The following CDIN1 variants were observed in gnomAD, a reference collection of about 807,000 sequenced individuals.
CDIN1 encodes CDAN1-interacting nuclease 1.
A neutral mutation model predicts 45.3 loss-of-function variants in CDIN1; 33 were observed. The observed-to-expected ratio is 0.73, with a 90% CI of 0.55 to 0.97. CDIN1 has a LOEUF of 0.97. CDIN1 is among the 50% of genes least tolerant of loss of function. CDIN1 has a pLI of 0.00. For synonymous variants in CDIN1, 118 were observed against 124.4 expected (o/e 0.95, Z 0.34); for missense variants, 303 against 339.4 (o/e 0.89, Z 0.84).
chr15:36,747,870 G>C (rs1384245478), intron 10 of CDIN1, among the ~76,000 whole-genome samples: 1 of 151,952 alleles, frequency 6.6e-6, no homozygotes, highest in Non-Finnish European at 1.5e-5. Context: ...AAGACCTGAG[G>C]ATTTTTCACT....
chr15:36,709,424 A>C, intron 9 of CDIN1, 136 bp downstream of exon 9: 1 of 539,504 alleles, frequency 1.9e-6, no homozygotes, highest in Non-Finnish European at 3.1e-6. Flanking sequence ...AACAGCAGAA[A>C]ATAATAGGTT....
At chr15:36,681,592 A>G (rs2041854461) in intron 5 of CDIN1, among the ~76,000 whole-genome samples, 1 of 152,192 alleles carries the variant, frequency 6.6e-6, no homozygotes, top group Non-Finnish European at 1.5e-5. Context: ...ACAAATAGCC[A>G]CATCTAGGCA....
intron 10 of CDIN1, among the ~76,000 whole-genome samples, chr15:36,738,242 T>C (rs7169327): frequency 0.77 from 117,709 of 152,062 alleles, 46,214 homozygotes; most frequent in East Asian, 0.96. Context: ...ATATATCCAG[T>C]TGCCCATTCA....
chr15:36,784,182 A>G (rs1428031033), intron 10 of CDIN1, among the ~76,000 whole-genome samples: 2 of 152,152 alleles, frequency 1.3e-5, no homozygotes, highest in Non-Finnish European at 2.9e-5. Context: ...ATTTTATAAC[A>G]CTGTTATTAA....
In CDIN1 at chr15:36,587,923, G is replaced by A. The variant is rs140806884; in HGVS notation, c.101+7962G>A. On this transcript the variant is annotated intron_variant, in intron 1 of 10. Transcript: ENST00000566621. ...ATCAGTTCCTTAAGGCTGTGGTGAC[G>A]GTGAAGTGAGATAAGGCATGTAAAA... Among the ~76,000 whole-genome samples, 245 of 152,174 alleles carry A rather than the reference G, an allele frequency of 1.6e-3. 2 individuals are homozygous for A. The highest frequency in any genetic ancestry group is 4.1e-4 in the Non-Finnish European group (28 of 68,012).
chr15:36,596,840 C>G (rs2037858111), intron 1 of CDIN1, among the ~76,000 whole-genome samples: 1 of 152,094 alleles, frequency 6.6e-6, no homozygotes, highest in African/African-American at 2.4e-5. Flanking sequence ...CTCATGTTCA[C>G]AGAAGAAGAA....
rs5811936 is a variant in CDIN1, at chr15:36,754,566, T to TAA, written c.716+44624_716+44625dup. Among the ~76,000 whole-genome samples, 58 of 102,440 alleles carry TAA rather than the reference T, an allele frequency of 5.7e-4. 1 individual carries two copies. Among genetic ancestry groups the TAA allele is most frequent in the South Asian group, 1.3e-3 (4 of 3,094 alleles). The allele number at this position is 102,440 out of a possible 152,430, so 67.2% of individuals were successfully genotyped here. ...AAAATACTAAGTTGATGGTCTCTCT[T>TAA]AAAAAAAAAAAAAAAAAAAAGGCCA... On this transcript the variant is annotated intron_variant, in intron 10 of 10. Coordinates refer to ENST00000566621, the MANE Select transcript of CDIN1 (RefSeq NM_001321759.2).
intron 10 of CDIN1, among the ~76,000 whole-genome samples, chr15:36,735,004 C>T (rs1007648899): frequency 4.6e-5 from 7 of 152,134 alleles, no homozygotes; most frequent in Non-Finnish European, 4.4e-5. Context: ...AAAATGTCTG[C>T]TCTATATTTC....
intron 10 of CDIN1, among the ~76,000 whole-genome samples, chr15:36,711,525 T>C (rs2043055879): frequency 6.6e-6 from 1 of 152,206 alleles, no homozygotes; most frequent in Non-Finnish European, 1.5e-5. Context: ...GCCTGGAGGA[T>C]GTCTGTGTGA....
At chr15:36,600,095 G>C (rs2038025519) in intron 1 of CDIN1, among the ~76,000 whole-genome samples, 1 of 152,204 alleles carries the variant, frequency 6.6e-6, no homozygotes, top group African/African-American at 2.4e-5. Context: ...TGTGTGTGGG[G>C]AGAATTTCAG....
intron 10 of CDIN1, among the ~76,000 whole-genome samples, chr15:36,727,066 G>GA (rs984972396): frequency 6.6e-6 from 1 of 151,588 alleles, no homozygotes; most frequent in African/African-American, 2.4e-5. Flanking sequence ...ATTGTGGTGA[G>GA]AAAAAAATAT....
chr15:36,776,811 G>T (rs933504396), intron 10 of CDIN1, among the ~76,000 whole-genome samples: 1 of 152,140 alleles, frequency 6.6e-6, no homozygotes, highest in Non-Finnish European at 1.5e-5. Context: ...CCAACATAGT[G>T]ATCTCTTTTT....
Position 36,697,392 on chromosome 15 carries a change from T to C in CDIN1, c.544+2T>C. On this transcript the variant is annotated splice_donor_variant, in intron 8 of 10. Transcript: ENST00000566621. LOFTEE classifies it high-confidence loss of function. ...TAGAGAAAAACCTGTCCTTCCTAGG[T>C]AAGTATTATTCACATCTTCTCTAGC... 1 of 1,609,112 alleles carries C rather than the reference T, an allele frequency of 6.2e-7. No individual in the cohort carries two copies. Among genetic ancestry groups the C allele is most frequent in the African/African-American group, 1.3e-5 (1 of 74,728 alleles).
chr15:36,710,111 T>A, intron 10 of CDIN1, 150 bp downstream of exon 10: 1 of 525,996 alleles, frequency 1.9e-6, no homozygotes, highest in Non-Finnish European at 3.2e-6. Context: ...TCAGATAATT[T>A]AAACTTCTCT....
At chr15:36,609,453 A>G (rs2038542679) in intron 1 of CDIN1, among the ~76,000 whole-genome samples, 1 of 152,208 alleles carries the variant, frequency 6.6e-6, no homozygotes, top group Admixed American at 6.5e-5. Flanking sequence ...TCAGGGATCT[A>G]TCAACTTAAA....
chr15:36,733,282 A>G (rs72706789), intron 10 of CDIN1, among the ~76,000 whole-genome samples: 12,336 of 152,118 alleles, frequency 0.081, 636 homozygotes, highest in Non-Finnish European at 0.12. Flanking sequence ...TTATATACAT[A>G]TATACATTTA....
chr15:36,655,762 A>G (rs1465395538), intron 4 of CDIN1, among the ~76,000 whole-genome samples: 1 of 152,230 alleles, frequency 6.6e-6, no homozygotes, highest in Non-Finnish European at 1.5e-5. Context: ...AGCATTCCAG[A>G]CACAGCATCT....
At chr15:36,592,335 C>CT (rs2037616364) in intron 1 of CDIN1, among the ~76,000 whole-genome samples, 3 of 152,120 alleles carry the variant, frequency 2.0e-5, no homozygotes, top group Admixed American at 2.0e-4. Flanking sequence ...GTATTTACAC[C>CT]ACAGAAATTG....
At chr15:36,732,588 G>A (rs1394372500) in intron 10 of CDIN1, among the ~76,000 whole-genome samples, 1 of 152,056 alleles carries the variant, frequency 6.6e-6, no homozygotes, top group African/African-American at 2.4e-5. Flanking sequence ...GTTGGTGTCT[G>A]AGATTTCCTC....
Sources: allele counts gnomAD v4.1 joint callset (sites outside exome capture counted in the v4.1 genomes callset), GRCh38; gene constraint gnomAD v4.1.1; transcripts MANE v1.5; gene names NCBI Gene and HGNC (gene_info 2026-07-23, HGNC 2026-07-21).